CCDC136: variants seen among roughly 807,000 people sequenced by gnomAD.
CCDC136 encodes coiled-coil domain containing 136.
A neutral mutation model predicts 141.2 loss-of-function variants in CCDC136; 100 were observed. That is an observed-to-expected ratio of 0.71 (90% confidence interval 0.60 to 0.84). The LOEUF is 0.84. CCDC136 is among the 40% of genes least tolerant of loss of function. The pLI, the probability that CCDC136 is intolerant of heterozygous loss-of-function variation, is 0.00. For synonymous variants in CCDC136, 474 were observed against 531.9 expected (o/e 0.89, Z 1.50); for missense variants, 1,206 against 1,379.4 (o/e 0.87, Z 1.99).
intron 3 of CCDC136, among the ~76,000 whole-genome samples, chr7:128,796,541 C>T (rs910990774): frequency 9.2e-5 from 14 of 151,660 alleles, no homozygotes; most frequent in African/African-American, 1.5e-4. Flanking sequence ...GGGTCTTAGC[C>T]AGGAATGGGA....
chr7:128,815,980 C>T (rs1806566485), intron 16 of CCDC136, 49 bp downstream of exon 16: 1 of 1,544,732 alleles, frequency 6.5e-7, no homozygotes, highest in Non-Finnish European at 8.7e-7. Context: ...GTCTTGGGCT[C>T]AGATAACTCC....
At chr7:128,811,537 G>T (rs1805712507) in intron 12 of CCDC136, among the ~76,000 whole-genome samples, 1 of 152,218 alleles carries the variant, frequency 6.6e-6, no homozygotes, top group African/African-American at 2.4e-5. Flanking sequence ...AGGAGACAGG[G>T]ATGTACCAAA....
chr7:128,799,635 T>A (rs1803678759), intron 3 of CCDC136, among the ~76,000 whole-genome samples: 1 of 150,278 alleles, frequency 6.7e-6, no homozygotes, highest in South Asian at 2.1e-4. Context: ...ATAGAGGACT[T>A]CTCTTATTTT....
At chr7:128,804,244 A>G (rs927942656) in intron 4 of CCDC136, among the ~76,000 whole-genome samples, 3 of 152,252 alleles carry the variant, frequency 2.0e-5, no homozygotes, top group African/African-American at 2.4e-5. Flanking sequence ...AGCTTTTTGT[A>G]CTAAAAGCAT....
intron 10 of CCDC136, 190 bp from the exon 11 acceptor site, chr7:128,809,260 G>A: frequency 1.8e-6 from 1 of 545,428 alleles, no homozygotes; most frequent in South Asian, 2.4e-5. Context: ...CTCTGAAGGA[G>A]CAGCCTGCAG....
chr7:128,793,304 A>C (rs965938728), intron 1 of CCDC136, among the ~76,000 whole-genome samples: 6 of 152,288 alleles, frequency 3.9e-5, no homozygotes, highest in African/African-American at 1.4e-4. Flanking sequence ...TTTCTTTTAC[A>C]CACAAGTACA....
intron 4 of CCDC136, among the ~76,000 whole-genome samples, chr7:128,802,498 T>G (rs1422218452): frequency 6.6e-6 from 1 of 151,958 alleles, no homozygotes; most frequent in African/African-American, 2.4e-5. Flanking sequence ...CTCCACTAAT[T>G]AGCAGGATGA....
At position 128,812,739 on chromosome 7, in the gene CCDC136, T is replaced by A. The variant is rs1161145760; in HGVS notation, c.2573T>A (p.Ile858Asn). ...GAGGAAATGGTTGTGAAAGTGCTGA[T>A]CAAGCTGCAGGCGGTGCAGGCCATG... ...RFEEMVVKVLIKLQAVQAMYQ... is the reference protein window; with the variant it reads ...RFEEMVVKVLNKLQAVQAMYQ... Residue 858 changes from isoleucine (I) to asparagine (N), a missense_variant, in exon 14 of 18, where the codon ATC becomes AAC. Physicochemically the swap from Ile to Asn is moderately radical, Grantham distance 149. Transcript: ENST00000297788. 1 of 1,613,296 alleles carries A rather than the reference T, an allele frequency of 6.2e-7. No individual in the cohort carries two copies. The highest frequency in any genetic ancestry group is 1.1e-5 in the South Asian group (1 of 91,008).
chr7:128,819,533 AC>A (rs1807152689), intron 17 of CCDC136, among the ~76,000 whole-genome samples: 1 of 152,180 alleles, frequency 6.6e-6, no homozygotes, highest in East Asian at 1.9e-4. Flanking sequence ...ATTATAAAAT[AC>A]CCCATCATTA....
chr7:128,811,491 C>T, intron 12 of CCDC136: 1 of 426,496 alleles, frequency 2.3e-6, no homozygotes. Flanking sequence ...TGGTAGGGAG[C>T]CAGGGTGTTC....
At chr7:128,816,391 G>T (rs185204274) in intron 16 of CCDC136, among the ~76,000 whole-genome samples, 170 of 152,322 alleles carry the variant, frequency 1.1e-3, no homozygotes, top group African/African-American at 3.9e-3. Flanking sequence ...GCTGTTAGGG[G>T]TGTGTCAGGG....
At chr7:128,796,739 A>ATATATATATATATATTTTTT in intron 3 of CCDC136, among the ~76,000 whole-genome samples, 8 of 113,362 alleles carry the variant, frequency 7.1e-5, no homozygotes, top group African/African-American at 9.2e-5. Context: ...ATATATATAT[A>ATATATATATATATATTTTTT]TTCTTTTTTT....
intron 9 of CCDC136, 106 bp downstream of exon 9, chr7:128,806,964 G>A (rs901324773): frequency 2.2e-5 from 26 of 1,199,770 alleles, no homozygotes; most frequent in Non-Finnish European, 3.0e-5. Flanking sequence ...GGAGCTGGCA[G>A]TGAGGGGGCC....
intron 14 of CCDC136, 138 bp from the exon 15 acceptor site, chr7:128,814,500 A>C: frequency 1.8e-6 from 1 of 556,010 alleles, no homozygotes; most frequent in Non-Finnish European, 3.0e-6. Flanking sequence ...TATTTTCTTT[A>C]TTGTCTACTT....
chr7:128,808,390 C>A, intron 10 of CCDC136: 1 of 696,300 alleles, frequency 1.4e-6, no homozygotes, highest in Non-Finnish European at 1.8e-6. Context: ...GAAGAGAATA[C>A]TACTCTTAAC....
rs911622977 is a variant in CCDC136 at position 128,805,104 on chromosome 7, G to A, written c.783-255G>A. 1.3e-5 allele frequency among the ~76,000 whole-genome samples: 2 copies of A among 152,168 alleles called. No homozygotes were observed. The highest frequency in any genetic ancestry group is 4.8e-5 in the African/African-American group (2 of 41,438). On this transcript the variant is annotated intron_variant, in intron 5 of 17. Coordinates refer to ENST00000297788, the MANE Select transcript of CCDC136 (RefSeq NM_022742.5). This position sits in a 1 kb window ranked among gnomAD's most constrained non-coding sequence, Gnocchi z 4.6. ...AGGCACAATGCTTCCAGATTGGAGT[G>A]GGCTTGACTAGGCCTAGCCTCAAAA...
chr7:128,808,953 G>T (rs925252993), intron 10 of CCDC136: 2 of 985,000 alleles, frequency 2.0e-6, no homozygotes, highest in Non-Finnish European at 2.4e-6. Context: ...TACCAATAGC[G>T]CATACTTTCT....
intron 3 of CCDC136, among the ~76,000 whole-genome samples, chr7:128,795,478 T>C (rs1201351894): frequency 6.6e-6 from 1 of 150,670 alleles, no homozygotes; most frequent in Non-Finnish European, 1.5e-5. Flanking sequence ...AAGAAAAGTA[T>C]AAATGGAGAA....
chr7:128,798,398 C>A (rs1458876878), intron 3 of CCDC136, among the ~76,000 whole-genome samples: 1 of 151,882 alleles, frequency 6.6e-6, no homozygotes, highest in Admixed American at 6.6e-5. Context: ...ACTACAAATG[C>A]CAGCCACCAC....
Sources: gnomAD v4.1 joint callset for allele counts (sites outside exome capture counted in the v4.1 genomes callset) on GRCh38, gnomAD v4.1.1 for gene constraint, Gnocchi (gnomAD v3.1) non-coding constraint, MANE v1.5 for transcripts, NCBI Gene and HGNC (gene_info 2026-07-23, HGNC 2026-07-21) for gene names.